ATP7A: variants seen among roughly 807,000 people sequenced by gnomAD.
ATP7A encodes the protein copper-transporting ATPase 1.
In ATP7A, 7 loss-of-function variants were observed where a neutral mutation model predicts 83.5. The ratio of observed to expected loss-of-function variants is 0.08; its 90% CI spans 0.05 to 0.16. The LOEUF is 0.16. Ranked by LOEUF, ATP7A falls within the 10% of genes least tolerant of loss-of-function variation. The probability of loss-of-function intolerance (pLI) is 1.00; values close to 1 mark genes in which losing one functional copy is unlikely to be tolerated. For synonymous variants in ATP7A, 354 were observed against 395.2 expected (o/e 0.90, Z 1.24); for missense variants, 940 against 1,120.8 (o/e 0.84, Z 2.30).
chrX:78,004,364 T>A (rs1306953431), intron 6 of ATP7A, among the ~76,000 whole-genome samples: 1 of 112,425 alleles, frequency 8.9e-6, no homozygotes, highest in African/African-American at 3.2e-5. Context: ...CATTGAAATT[T>A]TTACAGCTAG....
intron 5 of ATP7A, among the ~76,000 whole-genome samples, chrX:77,999,373 C>T (rs1249921348): frequency 9.0e-6 from 1 of 111,615 alleles, no homozygotes; most frequent in African/African-American, 3.3e-5. Context: ...TATACCCAGA[C>T]CAAGCACCAG....
At position 78,009,173 on chromosome X, in the gene ATP7A, A is replaced by C. The variant is rs1557234093; in HGVS notation, c.1779A>C (p.Leu593=). The change falls in exon 7 of 23, where the codon CTA becomes CTC. Residue 593 remains leucine (L), a synonymous_variant. Transcript: ENST00000341514. ...GTCTCACAAAACACAGAGGGATCCT[A>C]TACTGCTCCGTGGCCCTGGCAACCA... The part of the protein sequence containing the change: ...ESSLTKHRGI[L]YCSVALATNK... 9.9e-6 allele frequency: 12 copies of C among 1,209,854 alleles called. No individual in the cohort carries two copies. Among genetic ancestry groups the C allele is most frequent in the Non-Finnish European group, 1.3e-5 (12 of 893,865 alleles).
chrX:77,963,056 A>G (rs2077482629), intron 1 of ATP7A: 1 of 204,652 alleles, frequency 4.9e-6, no homozygotes. Flanking sequence ...AAAGCAGAAT[A>G]CTGATTCTAT....
intron 17 of ATP7A, among the ~76,000 whole-genome samples, chrX:78,034,877 G>A (rs1273383299): frequency 9.1e-6 from 1 of 109,954 alleles, no homozygotes; most frequent in Non-Finnish European, 1.9e-5. Flanking sequence ...CAGGAAGCTG[G>A]GATTACAGGT....
At chrX:78,035,655 C>T (rs781851234) in intron 17 of ATP7A, among the ~76,000 whole-genome samples, 2 of 111,487 alleles carry the variant, frequency 1.8e-5, no homozygotes, top group Admixed American at 9.5e-5. Flanking sequence ...TTTCCACTAC[C>T]GCATATGTAC....
chrX:78,042,537 A>G, intron 19 of ATP7A, 48 bp from the exon 20 acceptor site: 1 of 1,147,153 alleles, frequency 8.7e-7, no homozygotes, highest in South Asian at 1.8e-5. Context: ...GTTATGTTTC[A>G]CGTACTCATT....
At position 78,012,714 on chromosome X, in the gene ATP7A, C is replaced by T. The variant is rs140683236; in HGVS notation, c.2173-165C>T. 3.8e-3 allele frequency among the ~76,000 whole-genome samples: 420 copies of T among 111,138 alleles called. 5 individuals are homozygous for T. Among genetic ancestry groups the T allele is most frequent in the Admixed American group, 9.9e-3 (102 of 10,353 alleles). ...ATTTGAATACCTCCCTCTGCATGTACATCTATTGAAATACAAACACGATTG... is the reference window on the plus strand; with the variant it reads ...ATTTGAATACCTCCCTCTGCATGTATATCTATTGAAATACAAACACGATTG... On this transcript the variant is annotated intron_variant, in intron 9 of 22. Coordinates refer to ENST00000341514, the MANE Select transcript of ATP7A (RefSeq NM_000052.7).
At chrX:78,008,535 T>C (rs1557233990) in intron 6 of ATP7A, among the ~76,000 whole-genome samples, 1 of 110,911 alleles carries the variant, frequency 9.0e-6, no homozygotes, top group Non-Finnish European at 1.9e-5. Flanking sequence ...GAAAAAAAAA[T>C]CCAGCGGGAA....
chrX:77,932,313 C>G (rs1317782559), intron 1 of ATP7A, among the ~76,000 whole-genome samples: 1 of 107,503 alleles, frequency 9.3e-6, no homozygotes, highest in African/African-American at 3.5e-5. Flanking sequence ...GATGGGCGGC[C>G]GGGCAGAGAC....
At position 77,987,819 on chromosome X, in the gene ATP7A, T is replaced by C. The variant is rs138923261; in HGVS notation, c.121-423T>C. On this transcript the variant is annotated intron_variant, in intron 2 of 22. Coordinates refer to ENST00000341514, the MANE Select transcript of ATP7A (RefSeq NM_000052.7). ...AATAGTTATACATATTTTTAGGAAATTGGACATTTTAAAATATTAAACTTC... is the reference window on the plus strand; with the variant it reads ...AATAGTTATACATATTTTTAGGAAACTGGACATTTTAAAATATTAAACTTC... 3.4e-4 allele frequency among the ~76,000 whole-genome samples: 38 copies of C among 111,704 alleles called. 1 individual carries two copies. The East Asian group carries it at 0.01, about 30-fold the overall frequency.
chrX:78,017,125 C>G (rs782300079), intron 12 of ATP7A, among the ~76,000 whole-genome samples: 5 of 112,674 alleles, frequency 4.4e-5, no homozygotes, highest in Non-Finnish European at 7.5e-5. Context: ...GGCAGAGGTT[C>G]CCAAACCTCC....
At chrX:77,970,665 TCAAAAA>T (rs373778439) in intron 1 of ATP7A, among the ~76,000 whole-genome samples, 17 of 110,549 alleles carry the variant, frequency 1.5e-4, no homozygotes, top group East Asian at 1.1e-3. Flanking sequence ...GAATTGAGTC[TCAAAAA>T]CAAAAACAAA....
rs2077895594 is a variant in ATP7A at position 78,020,225 on chromosome X, A to G, written c.2627-19A>G. 2 of 1,205,932 alleles carry G rather than the reference A, an allele frequency of 1.7e-6. No homozygotes were observed. The highest frequency in any genetic ancestry group is 2.2e-6 in the Non-Finnish European group (2 of 890,057). On this transcript the variant is annotated intron_variant, in intron 12 of 22. Coordinates refer to ENST00000341514, the MANE Select transcript of ATP7A (RefSeq NM_000052.7). ...GTGATCATTTATGCTCCTTAAATCTATCTTTACTCTCCATACAGGGGAGGC... is the reference window on the plus strand; with the variant it reads ...GTGATCATTTATGCTCCTTAAATCTGTCTTTACTCTCCATACAGGGGAGGC...
At chrX:77,957,617 G>A (rs2077452518) in intron 1 of ATP7A, among the ~76,000 whole-genome samples, 1 of 109,714 alleles carries the variant, frequency 9.1e-6, no homozygotes, top group African/African-American at 3.3e-5. Flanking sequence ...TTCCTTTGCT[G>A]TGTAAAAGCT....
At chrX:78,004,702 G>T (rs1569549785) in intron 6 of ATP7A, among the ~76,000 whole-genome samples, 1 of 109,711 alleles carries the variant, frequency 9.1e-6, no homozygotes, top group Non-Finnish European at 1.9e-5. Context: ...GACCAACATG[G>T]TGAAACCCCG....
intron 4 of ATP7A, 60 bp downstream of exon 4, chrX:77,990,018 T>G: frequency 8.4e-7 from 1 of 1,188,771 alleles, no homozygotes; most frequent in East Asian, 3.0e-5. Context: ...TTGCTGCTTC[T>G]TTTGGCATTT....
chrX:77,989,980 A>G (rs782736254), intron 4 of ATP7A, 22 bp downstream of exon 4: 2 of 1,208,834 alleles, frequency 1.7e-6, no homozygotes, highest in South Asian at 3.5e-5. Context: ...TTTTTCTTTG[A>G]TTACCCTAAT....
chrX:77,971,535 G>A, intron 1 of ATP7A, 86 bp from the exon 2 acceptor site: 1 of 889,884 alleles, frequency 1.1e-6, no homozygotes. Flanking sequence ...ATAAAATGTA[G>A]CATATTTTTA....
At chrX:77,992,067 T>C (rs970223265) in intron 4 of ATP7A, among the ~76,000 whole-genome samples, 3 of 108,404 alleles carry the variant, frequency 2.8e-5, no homozygotes, top group Non-Finnish European at 5.7e-5. Flanking sequence ...AAAATTAGAT[T>C]CTTTTTTTTT....
Sources: gnomAD v4.1 joint callset for allele counts (sites outside exome capture counted in the v4.1 genomes callset) on GRCh38, gnomAD v4.1.1 for gene constraint, MANE v1.5 for transcripts, NCBI Gene and HGNC (gene_info 2026-07-23, HGNC 2026-07-21) for gene names.